TNFSF11: variants seen among roughly 807,000 people sequenced by gnomAD.
TNFSF11 encodes TNF superfamily member 11.
A neutral mutation model predicts 32.2 loss-of-function variants in TNFSF11; 12 were observed. The ratio of observed to expected loss-of-function variants is 0.37; its 90% CI spans 0.24 to 0.60. The LOEUF (loss-of-function observed/expected upper bound fraction) is 0.60. Ranked by LOEUF, TNFSF11 falls within the 20% of genes least tolerant of loss-of-function variation. TNFSF11 has a pLI of 0.66. For missense variants in TNFSF11, 345 were observed against 398.0 expected (o/e 0.87, Z 1.13); for synonymous variants, 172 against 152.1 (o/e 1.13, Z -0.96).
At chr13:42,601,404 G>A (rs1034484641) in intron 4 of TNFSF11, among the ~76,000 whole-genome samples, 3 of 152,124 alleles carry the variant, frequency 2.0e-5, no homozygotes, top group African/African-American at 4.8e-5. Flanking sequence ...TTAGACCCCC[G>A]TTAAGATCTT....
At chr13:42,578,913 G>A (rs1458878717) in intron 1 of TNFSF11, among the ~76,000 whole-genome samples, 8 of 152,182 alleles carry the variant, frequency 5.3e-5, no homozygotes, top group Admixed American at 3.9e-4. Flanking sequence ...CTTTGGAATC[G>A]TTTCAATAGC....
At chr13:42,596,146 A>G (rs888704686) in intron 2 of TNFSF11, among the ~76,000 whole-genome samples, 2 of 152,202 alleles carry the variant, frequency 1.3e-5, no homozygotes, top group East Asian at 1.9e-4. Flanking sequence ...AGATGGCAAC[A>G]TGGAATGGCT....
At chr13:42,584,416 T>C (rs908544964) in intron 2 of TNFSF11, among the ~76,000 whole-genome samples, 2 of 152,206 alleles carry the variant, frequency 1.3e-5, no homozygotes, top group African/African-American at 4.8e-5. Flanking sequence ...GGTAGCCAAT[T>C]GTTGCTCACT....
At position 42,606,875 on chromosome 13, in the gene TNFSF11, A is replaced by G. The variant is rs760748407; in HGVS notation, c.911A>G (p.Asp304Gly). The G allele has an allele frequency of 1.2e-6, 2 of 1,614,176 alleles. No individual in the cohort carries two copies. Among genetic ancestry groups the G allele is most frequent in the African/African-American group, 2.7e-5 (2 of 75,048 alleles). Residue 304 changes from aspartate to glycine, a missense_variant, in exon 5 of 5, where the codon GAT becomes GGT. Asp to Gly is a moderately conservative substitution (Grantham distance 94). This residue lies in a region of TNFSF11 where 148 missense variants were observed against 216.0 expected (regional missense o/e 0.69). Coordinates refer to ENST00000398795, the MANE Select transcript of TNFSF11 (RefSeq NM_003701.4). ...SNPSLLDPDQ[D>G]ATYFGAFKVR... ...CCCTCCTTACTGGATCCGGATCAGGATGCAACATACTTTGGGGCTTTTAAA... is the reference window on the plus strand; with the variant it reads ...CCCTCCTTACTGGATCCGGATCAGGGTGCAACATACTTTGGGGCTTTTAAA...
intron 2 of TNFSF11, among the ~76,000 whole-genome samples, chr13:42,598,838 C>T (rs549913687): frequency 1.3e-5 from 2 of 152,278 alleles, no homozygotes; most frequent in African/African-American, 4.8e-5. Context: ...ACTGTGTTAT[C>T]TATAAGTCTG....
intron 1 of TNFSF11, among the ~76,000 whole-genome samples, chr13:42,565,773 T>C (rs1386884281): frequency 6.6e-6 from 1 of 152,144 alleles, no homozygotes; most frequent in Admixed American, 6.5e-5. Context: ...AAGTTATACA[T>C]CCAGTTGTTC....
At chr13:42,603,465 A>G (rs1869283448) in intron 4 of TNFSF11, among the ~76,000 whole-genome samples, 1 of 151,984 alleles carries the variant, frequency 6.6e-6, no homozygotes, top group Non-Finnish European at 1.5e-5. Context: ...TATTTTTCTC[A>G]TGTTTTTACC....
At chr13:42,589,980 G>A (rs980755529) in intron 2 of TNFSF11, among the ~76,000 whole-genome samples, 4 of 152,200 alleles carry the variant, frequency 2.6e-5, no homozygotes, top group African/African-American at 7.2e-5. Flanking sequence ...GCCCACAGAT[G>A]CCCGCCCACC....
Position 42,607,763 on chromosome 13 carries a change from T to A in TNFSF11, c.*845T>A, listed in dbSNP as rs896266145. 2.0e-5 allele frequency: 3 copies of A among 152,718 alleles called. No homozygotes were observed. The highest frequency in any genetic ancestry group is 4.4e-5 in the Non-Finnish European group (3 of 68,012). The allele number at this position is 152,718 out of a possible 1,614,324, so 9.5% of individuals were successfully genotyped here. A position where few individuals can be genotyped will look rare whatever the true frequency, so the allele number is the denominator to read the frequency against. On this transcript the variant is annotated 3_prime_UTR_variant, in exon 5 of 5. Transcript: ENST00000398795. ...ACTAATTGACTTTAGAAAGCTGACA[T>A]TGCCAAAAAGGATACATAATGGGCC...
chr13:42,599,816 C>A (rs1869070208), intron 2 of TNFSF11, among the ~76,000 whole-genome samples: 1 of 152,154 alleles, frequency 6.6e-6, no homozygotes, highest in African/African-American at 2.4e-5. Flanking sequence ...GTGATCCGCC[C>A]ATGCCAGCCT....
chr13:42,579,767 T>G (rs1873512076), intron 1 of TNFSF11, among the ~76,000 whole-genome samples: 1 of 135,642 alleles, frequency 7.4e-6, no homozygotes, highest in African/African-American at 2.7e-5. Context: ...GTATAAAAAT[T>G]CACATATTAT....
At chr13:42,567,246 A>G (rs545521492) in intron 2 of TNFSF11, among the ~76,000 whole-genome samples, 1 of 152,330 alleles carries the variant, frequency 6.6e-6, no homozygotes, top group Admixed American at 6.5e-5. Flanking sequence ...ATTTCCCAAA[A>G]GTTTATTTAA....
intron 2 of TNFSF11, among the ~76,000 whole-genome samples, chr13:42,591,073 CTG>C (rs1169186321): frequency 6.6e-6 from 1 of 152,090 alleles, no homozygotes; most frequent in Non-Finnish European, 1.5e-5. Context: ...AAGTTTTTCA[CTG>C]AGAATTTTCA....
Position 42,576,225 on chromosome 13 carries a change from G to A in TNFSF11, c.219+1703G>A, listed in dbSNP as rs144360455. 8.5e-4 allele frequency among the ~76,000 whole-genome samples: 129 copies of A among 152,334 alleles called. 1 individual carries two copies. Among genetic ancestry groups the A allele is most frequent in the African/African-American group, 3.1e-3 (127 of 41,576 alleles). ...CAATGTTGAACGAGCAGTAGGAAAT[G>A]AAGGAGTTCTAGGAACCATGAACAG... On this transcript the variant is annotated intron_variant, in intron 1 of 4. Coordinates refer to ENST00000398795, the MANE Select transcript of TNFSF11 (RefSeq NM_003701.4).
rs367828760 is a variant in TNFSF11 at position 42,568,424 on chromosome 13, G to A, written c.-160+1662G>A. 3.9e-4 allele frequency among the ~76,000 whole-genome samples: 59 copies of A among 152,220 alleles called. 1 individual carries two copies. The South Asian group carries it at 0.012, about 31-fold the overall frequency. On this transcript the variant is annotated intron_variant, in intron 2 of 6. Transcript: ENST00000358545. ...TTAATTGTGTGATTTAAGTTAAGGGGGTAAGGCAGTATATTTCCAGAAGAC... is the reference window on the plus strand; with the variant it reads ...TTAATTGTGTGATTTAAGTTAAGGGAGTAAGGCAGTATATTTCCAGAAGAC...
chr13:42,569,284 C>G (rs1872971763), upstream of TNFSF11, among the ~76,000 whole-genome samples: 1 of 152,102 alleles, frequency 6.6e-6, no homozygotes, highest in Non-Finnish European at 1.5e-5. Context: ...CACGGTGGCT[C>G]ACGCCTGTAA....
intron 1 of TNFSF11, among the ~76,000 whole-genome samples, chr13:42,566,095 C>A (rs1872859862): frequency 6.6e-6 from 1 of 152,184 alleles, no homozygotes; most frequent in African/African-American, 2.4e-5. Context: ...CAGCAATGAG[C>A]AGACCTAAGT....
chr13:42,564,567 C>CA lies in TNFSF11; in HGVS notation c.-302+1619dup, dbSNP rs539979463. Among the ~76,000 whole-genome samples, 707 of 126,874 alleles carry CA rather than the reference C, an allele frequency of 5.6e-3. 5 individuals carry two copies. The highest frequency in any genetic ancestry group is 0.014 in the African/African-American group (473 of 34,454). The allele number at this position is 126,874 out of a possible 152,430, so 83.2% of individuals were successfully genotyped here. A position where few individuals can be genotyped will look rare whatever the true frequency, so the allele number is the denominator to read the frequency against. On this transcript the variant is annotated intron_variant, in intron 1 of 6. Coordinates refer to the TNFSF11 transcript ENST00000358545. ...GGGCAACAAGAATGAAACTCCATTT[C>CA]AAAAAAAAAAAAAAATTCTTGTCTA...
At chr13:42,578,837 C>T (rs118069524) in intron 1 of TNFSF11, among the ~76,000 whole-genome samples, 371 of 152,318 alleles carry the variant, frequency 2.4e-3, no homozygotes, top group Non-Finnish European at 4.3e-3. Context: ...CCATTATTAA[C>T]TGTTTCAGTA....
Sources: allele counts gnomAD v4.1 joint callset (sites outside exome capture counted in the v4.1 genomes callset), GRCh38; gene constraint gnomAD v4.1.1; regional missense constraint gnomAD v4.1.1; transcripts MANE v1.5; gene names NCBI Gene and HGNC (gene_info 2026-07-23, HGNC 2026-07-21).